ARFIP1: variants seen among roughly 807,000 people sequenced by gnomAD.
ARFIP1 encodes ARF interacting protein 1.
A neutral mutation model predicts 42.5 loss-of-function variants in ARFIP1; 24 were observed. The observed-to-expected ratio is 0.57, with a 90% CI of 0.41 to 0.80. The LOEUF (loss-of-function observed/expected upper bound fraction) is 0.80, where lower values mean the gene tolerates loss of function less well. ARFIP1 is among the 30% of genes least tolerant of loss of function. The pLI is 0.00. For synonymous variants in ARFIP1, 141 were observed against 153.7 expected, an observed-to-expected ratio of 0.92 and a Z score of 0.61; for missense variants, 354 against 434.0, an observed-to-expected ratio of 0.82 and a Z score of 1.64.
At chr4:152,847,848 C>T (rs1226258768) in intron 2 of ARFIP1, among the ~76,000 whole-genome samples, 2 of 152,130 alleles carry the variant, frequency 1.3e-5, no homozygotes, top group Non-Finnish European at 2.9e-5. Flanking sequence ...CCTCCTTAGA[C>T]CTAGCTAAAA....
intron 2 of ARFIP1, among the ~76,000 whole-genome samples, chr4:152,855,809 A>T (rs2149870660): frequency 6.6e-6 from 1 of 152,318 alleles, no homozygotes; most frequent in Admixed American, 6.5e-5. Flanking sequence ...CACAGTGGGA[A>T]TGTAGACTTC....
rs1231772348 is a variant in ARFIP1, at chr4:152,911,743, G to A, written c.*1524G>A. 2 of 152,462 alleles carry A rather than the reference G, an allele frequency of 1.3e-5. No individual in the cohort carries two copies. The highest frequency in any genetic ancestry group is 2.9e-5 in the Non-Finnish European group (2 of 67,990). The allele number at this position is 152,462 out of a possible 1,614,324, so 9.4% of individuals were successfully genotyped here. A position where few individuals can be genotyped will look rare whatever the true frequency, so the allele number is the denominator to read the frequency against. ...TTGAGTGCTTAATACAATGTAATGT[G>A]ATTGTAAATCATACCTATTTTAAAT... On this transcript the variant is annotated 3_prime_UTR_variant, in exon 9 of 9. Transcript: ENST00000353617.
At chr4:152,811,258 G>A (rs772415392) in intron 1 of ARFIP1, among the ~76,000 whole-genome samples, 4 of 151,948 alleles carry the variant, frequency 2.6e-5, no homozygotes, top group South Asian at 2.1e-4. Context: ...AGTATTATCC[G>A]ATATGTTTCT....
At chr4:152,824,329 A>G (rs375404454) in intron 1 of ARFIP1, among the ~76,000 whole-genome samples, 9 of 152,226 alleles carry the variant, frequency 5.9e-5, no homozygotes, top group African/African-American at 2.2e-4. Context: ...AAAAAAAGTA[A>G]AAAGGTAATT....
At chr4:152,826,828 A>C (rs908304486) in intron 1 of ARFIP1, among the ~76,000 whole-genome samples, 1 of 152,238 alleles carries the variant, frequency 6.6e-6, no homozygotes, top group African/African-American at 2.4e-5. Flanking sequence ...GTATATACAT[A>C]CAAGAAAATA....
At chr4:152,822,568 A>G (rs1031968187) in intron 1 of ARFIP1, among the ~76,000 whole-genome samples, 2 of 152,204 alleles carry the variant, frequency 1.3e-5, no homozygotes, top group Admixed American at 1.3e-4. Context: ...AAATAGATCT[A>G]ACATATTTAT....
intron 1 of ARFIP1, among the ~76,000 whole-genome samples, chr4:152,824,367 G>A (rs182493438): frequency 4.0e-5 from 6 of 151,424 alleles, no homozygotes; most frequent in Non-Finnish European, 7.4e-5. Context: ...TTTCTTTCCA[G>A]GGATTCAGAG....
intron 1 of ARFIP1, among the ~76,000 whole-genome samples, chr4:152,827,431 G>T (rs959589511): frequency 6.6e-6 from 1 of 152,006 alleles, no homozygotes; most frequent in Non-Finnish European, 1.5e-5. Context: ...CCCCAAGTTC[G>T]TACTTTACCT....
At chr4:152,846,347 C>T (rs1213871508) in intron 2 of ARFIP1, among the ~76,000 whole-genome samples, 2 of 152,082 alleles carry the variant, frequency 1.3e-5, no homozygotes. Flanking sequence ...ACCCCTGAAT[C>T]TGAAATAAAA....
chr4:152,898,591 C>T (rs1737557736), intron 8 of ARFIP1, among the ~76,000 whole-genome samples: 1 of 152,066 alleles, frequency 6.6e-6, no homozygotes, highest in Non-Finnish European at 1.5e-5. Context: ...GGAGAGGCAA[C>T]TTACAGTCTA....
Position 152,910,210 on chromosome 4 carries a change from A to AG in ARFIP1, c.1114dup (p.Glu372GlyfsTer22). On this transcript the variant is annotated frameshift_variant, in exon 9 of 9. Coordinates refer to ENST00000353617, the MANE Select transcript of ARFIP1 (RefSeq NM_001025595.3). LOFTEE classifies it high-confidence loss of function. ...GAGTGGATGCCCCATCTTGGCTTGA[A>AG]GAACAGTAAAATCACAGCGGAAAAT... 4 of 1,611,876 alleles carry AG rather than the reference A, an allele frequency of 2.5e-6. No homozygotes were observed. The highest frequency in any genetic ancestry group is 3.4e-6 in the Non-Finnish European group (4 of 1,179,342).
At chr4:152,851,928 G>A (rs1054120022) in intron 2 of ARFIP1, among the ~76,000 whole-genome samples, 16 of 152,094 alleles carry the variant, frequency 1.1e-4, no homozygotes, top group African/African-American at 3.6e-4. Flanking sequence ...ACAGCTTTAT[G>A]AAAGCTATTA....
At chr4:152,852,306 G>A (rs945733894) in intron 2 of ARFIP1, among the ~76,000 whole-genome samples, 28 of 152,218 alleles carry the variant, frequency 1.8e-4, no homozygotes, top group Middle Eastern at 3.4e-3. Context: ...GCTAAGCTAG[G>A]CACAGACTTA....
At chr4:152,854,194 T>C (rs1194309043) in intron 2 of ARFIP1, among the ~76,000 whole-genome samples, 3 of 152,192 alleles carry the variant, frequency 2.0e-5, no homozygotes, top group Non-Finnish European at 4.4e-5. Flanking sequence ...ATTACAGGCA[T>C]AAGCCACCGC....
intron 8 of ARFIP1, among the ~76,000 whole-genome samples, chr4:152,891,468 TTTG>T (rs1438189045): frequency 2.6e-5 from 4 of 152,202 alleles, no homozygotes; most frequent in African/African-American, 9.6e-5. Context: ...TCTTTGTTTT[TTTG>T]TTGTTGTTGA....
intron 2 of ARFIP1, among the ~76,000 whole-genome samples, chr4:152,861,376 T>G (rs930793843): frequency 1.3e-5 from 2 of 152,220 alleles, no homozygotes; most frequent in Non-Finnish European, 2.9e-5. Flanking sequence ...AGTATAGAGA[T>G]GATGAACCAA....
At chr4:152,830,221 G>A (rs189198683) in intron 2 of ARFIP1, among the ~76,000 whole-genome samples, 1 of 152,116 alleles carries the variant, frequency 6.6e-6, no homozygotes. Flanking sequence ...CATTTTAATG[G>A]GAACACCATG....
intron 1 of ARFIP1, among the ~76,000 whole-genome samples, chr4:152,798,675 T>A (rs1177230887): frequency 1.3e-5 from 2 of 152,180 alleles, no homozygotes; most frequent in Non-Finnish European, 2.9e-5. Flanking sequence ...AGAGTAAAAA[T>A]TTGTTTCTTT....
At chr4:152,861,776 T>G (rs1265273647) in intron 2 of ARFIP1, among the ~76,000 whole-genome samples, 1 of 152,184 alleles carries the variant, frequency 6.6e-6, no homozygotes, top group Non-Finnish European at 1.5e-5. Context: ...ATATATTATC[T>G]TAGCTATACC....
Sources: allele counts gnomAD v4.1 joint callset (sites outside exome capture counted in the v4.1 genomes callset), GRCh38; gene constraint gnomAD v4.1.1; transcripts MANE v1.5; gene names NCBI Gene and HGNC (gene_info 2026-07-23, HGNC 2026-07-21).